CPEB3: variants seen among roughly 807,000 people sequenced by gnomAD.
The protein encoded by CPEB3 is cytoplasmic polyadenylation element binding protein 3, also known as cytoplasmic polyadenylation element-binding protein 3.
A neutral mutation model predicts 67.2 loss-of-function variants in CPEB3; 20 were observed. The ratio of observed to expected loss-of-function variants is 0.30; its 90% CI spans 0.21 to 0.43. The LOEUF (loss-of-function observed/expected upper bound fraction) is 0.43. Among genes scored for constraint, CPEB3 ranks in the 20% least tolerant of loss-of-function variants. The pLI is 1.00. For synonymous variants in CPEB3, 376 were observed against 393.1 expected (o/e 0.96, Z 0.51); for missense variants, 746 against 968.6 (o/e 0.77, Z 3.05).
chr10:92,147,117 T>C (rs1202705818), intron 4 of CPEB3, among the ~76,000 whole-genome samples: 3 of 152,158 alleles, frequency 2.0e-5, no homozygotes, highest in Admixed American at 6.6e-5. Flanking sequence ...ACGTTATGCT[T>C]TTCCACCTCA....
At chr10:92,196,542 G>T (rs1307347460) in intron 2 of CPEB3, among the ~76,000 whole-genome samples, 1 of 152,132 alleles carries the variant, frequency 6.6e-6, no homozygotes. Context: ...GTCAAGGCGG[G>T]TGGATCACGA....
chr10:92,214,873 G>C (rs578245887), intron 2 of CPEB3, among the ~76,000 whole-genome samples: 13 of 151,336 alleles, frequency 8.6e-5, no homozygotes, highest in African/African-American at 2.4e-4. Flanking sequence ...TTTTGAGACA[G>C]AGTCTCACTC....
At chr10:92,144,834 CTAT>C in intron 5 of CPEB3, 108 bp downstream of exon 5, 2 of 880,446 alleles carry the variant, frequency 2.3e-6, no homozygotes, top group Non-Finnish European at 3.6e-6. Context: ...GTCTCACCTC[CTAT>C]GCACTAAGAT....
At chr10:92,069,426 C>G (rs184254883) in intron 9 of CPEB3, among the ~76,000 whole-genome samples, 2 of 152,096 alleles carry the variant, frequency 1.3e-5, no homozygotes, top group Non-Finnish European at 1.5e-5. Flanking sequence ...TTTTTTGAGA[C>G]AGGGTCTCAC....
intron 2 of CPEB3, among the ~76,000 whole-genome samples, chr10:92,211,483 ACTAT>A (rs1850079923): frequency 6.6e-6 from 1 of 152,166 alleles, no homozygotes; most frequent in African/African-American, 2.4e-5. Context: ...CGGAACACAA[ACTAT>A]CTAAGCTCAA....
intron 2 of CPEB3, among the ~76,000 whole-genome samples, chr10:92,213,542 T>A (rs1419422229): frequency 6.6e-6 from 1 of 152,208 alleles, no homozygotes; most frequent in South Asian, 2.1e-4. Context: ...ATAAGATTAA[T>A]GTAGAAACAA....
chr10:92,082,869 C>T (rs536684063), intron 8 of CPEB3, among the ~76,000 whole-genome samples: 4 of 152,164 alleles, frequency 2.6e-5, no homozygotes, highest in African/African-American at 7.2e-5. Flanking sequence ...AGCCAATGTG[C>T]AAAGATCATC....
At position 92,240,274 on chromosome 10, in the gene CPEB3, G is replaced by A; in HGVS notation, c.77C>T (p.Pro26Leu). 1 of 1,518,632 alleles carries A rather than the reference G, an allele frequency of 6.6e-7. No homozygotes were observed. Among genetic ancestry groups the A allele is most frequent in the Non-Finnish European group, 8.8e-7 (1 of 1,132,244 alleles). The allele number at this position is 1,518,632 out of a possible 1,614,324, so 94.1% of individuals were successfully genotyped here. Reference sequence around the variant, plus strand: ...TTCGGATACGCTGGACTCAGGTTGGGGCTGCTGCTGCTGCCGCTGCTGCTG... The same window carrying A: ...TTCGGATACGCTGGACTCAGGTTGGAGCTGCTGCTGCTGCCGCTGCTGCTG... ...PQQQQRQQQQ[P>L]QPESSVSEAP... is the part of the protein sequence containing the mutation. Residue 26 changes from proline (P) to leucine (L), a missense_variant, in exon 2 of 10, where the codon CCC becomes CTC. By Grantham distance (98) the Pro-to-Leu change is moderately conservative (BLOSUM62 -3). Around this residue, in one of 2 missense-constraint regions of CPEB3, gnomAD observed 643 missense variants for 717.5 expected, o/e 0.90. Transcript: ENST00000265997.
At chr10:92,224,056 T>C (rs924997403) in intron 2 of CPEB3, among the ~76,000 whole-genome samples, 7 of 152,224 alleles carry the variant, frequency 4.6e-5, no homozygotes, top group Non-Finnish European at 5.9e-5. Flanking sequence ...TAAACCACCA[T>C]GCCTAGCCTA....
chr10:92,259,111 C>T (rs544012670), intron 1 of CPEB3, among the ~76,000 whole-genome samples: 33 of 151,782 alleles, frequency 2.2e-4, no homozygotes, highest in African/African-American at 5.3e-4. Context: ...TACAGGTACA[C>T]GCCATCATGC....
At chr10:92,060,845 T>G (rs1367054660) in intron 9 of CPEB3, among the ~76,000 whole-genome samples, 1 of 152,126 alleles carries the variant, frequency 6.6e-6, no homozygotes, top group Non-Finnish European at 1.5e-5. Flanking sequence ...ATGGTTTATA[T>G]CCAAAAGACA....
intron 8 of CPEB3, among the ~76,000 whole-genome samples, chr10:92,087,815 G>A (rs974134143): frequency 2.0e-5 from 3 of 152,186 alleles, no homozygotes; most frequent in African/African-American, 4.8e-5. Context: ...TTCACATTAC[G>A]TGAATGAAGC....
chr10:92,148,878 A>ATT (rs1438227324), intron 4 of CPEB3, among the ~76,000 whole-genome samples: 1 of 150,202 alleles, frequency 6.7e-6, no homozygotes, highest in Non-Finnish European at 1.5e-5. Context: ...CATTTTTTGA[A>ATT]TTTAATATTT....
intron 1 of CPEB3, among the ~76,000 whole-genome samples, chr10:92,241,310 G>A (rs1383380823): frequency 1.3e-5 from 2 of 149,380 alleles, no homozygotes; most frequent in African/African-American, 5.0e-5. Flanking sequence ...GAGCGCCTGT[G>A]AGATAGGGTG....
chr10:92,240,360 A>T lies in CPEB3; in HGVS notation c.-10T>A. On this transcript the variant is annotated splice_region_variant and 5_prime_UTR_variant, in exon 2 of 10. Transcript: ENST00000265997. ...GTAAATCATCCTGCATGGTTTGCGC[A>T]GCTGAAACGGGAAAAAAGAGAGACG... 6.9e-7 allele frequency: 1 copy of T among 1,441,888 alleles called. No homozygotes were observed. Among genetic ancestry groups the T allele is most frequent in the South Asian group, 1.5e-5 (1 of 66,410 alleles). The allele number at this position is 1,441,888 out of a possible 1,614,324, so 89.3% of individuals were successfully genotyped here. A position where few individuals can be genotyped will look rare whatever the true frequency, so the allele number is the denominator to read the frequency against.
At position 92,091,978 on chromosome 10, in the gene CPEB3, A is replaced by AT. The variant is rs759894214; in HGVS notation, c.1573-35dup. On this transcript the variant is annotated intron_variant, in intron 7 of 9. Coordinates refer to ENST00000265997, the MANE Select transcript of CPEB3 (RefSeq NM_014912.5). ...AAGTTGTTTACTTGGTCCTTACTTC[A>AT]TTTCCATCAACCCCAAATGAGAATA... The AT allele has an allele frequency of 7.7e-5, 96 of 1,253,070 alleles. No individual in the cohort carries two copies. In the African/African-American group the frequency reaches 1.4e-3, roughly 18 times the overall value. The allele number at this position is 1,253,070 out of a possible 1,614,324, so 77.6% of individuals were successfully genotyped here.
chr10:92,188,465 T>C (rs1848805915), intron 3 of CPEB3, among the ~76,000 whole-genome samples: 2 of 151,862 alleles, frequency 1.3e-5, no homozygotes, highest in Admixed American at 1.3e-4. Context: ...CTCATGCCTG[T>C]AATCCCAGCA....
chr10:92,258,628 ATATATATATATATATATATATATATATAT>A lies in CPEB3; in HGVS notation c.-11-18296_-11-18268del, dbSNP rs1175583429. ...CAGACTTCAATTATATTTTTTGAATATATATATATATATATATATATATATATATATATATATATATATATATATATTTC... is the reference window on the plus strand; with the variant it reads ...CAGACTTCAATTATATTTTTTGAATAATATATATATATATATATATATTTC... On this transcript the variant is annotated intron_variant, in intron 1 of 9. Coordinates refer to ENST00000265997, the MANE Select transcript of CPEB3 (RefSeq NM_014912.5). 8.2e-4 allele frequency among the ~76,000 whole-genome samples: 69 copies of A among 84,190 alleles called. 3 individuals are homozygous for A. The highest frequency in any genetic ancestry group is 1.9e-3 in the African/African-American group (34 of 17,942). 55.2% of individuals were successfully genotyped at this position (84,190 alleles called of 152,430 possible).
chr10:92,091,865 A>G lies in CPEB3; in HGVS notation c.1652T>C (p.Ile551Thr), dbSNP rs1206644068. The change falls in exon 8 of 10, where the codon ATC becomes ACC. Residue 551 changes from isoleucine (I) to threonine (T), a missense_variant. Around this residue, in one of 2 missense-constraint regions of CPEB3, gnomAD observed 103 missense variants for 251.1 expected, o/e 0.41. Transcript: ENST00000265997. Reference sequence around the variant, plus strand: ...GGGTCGTGGAACTCCCCCAACAAAGATAGTTTTTCTGGGGTCCAAAGGCTG... The same window carrying G: ...GGGTCGTGGAACTCCCCCAACAAAGGTAGTTTTTCTGGGGTCCAAAGGCTG... ...GSQPLDPRKTIFVGGVPRPLR... is the reference protein window; with the variant it reads ...GSQPLDPRKTTFVGGVPRPLR... The G allele has an allele frequency of 6.2e-7, 1 of 1,613,614 alleles. No individual in the cohort carries two copies. Among genetic ancestry groups the G allele is most frequent in the African/African-American group, 1.3e-5 (1 of 75,028 alleles).
Sources: allele counts gnomAD v4.1 joint callset (sites outside exome capture counted in the v4.1 genomes callset), GRCh38; gene constraint gnomAD v4.1.1; regional missense constraint gnomAD v4.1.1; transcripts MANE v1.5; gene names NCBI Gene and HGNC (gene_info 2026-07-23, HGNC 2026-07-21).